ADGRV1: variants seen among roughly 807,000 people sequenced by gnomAD.
The protein encoded by ADGRV1 is G-protein coupled receptor 98.
In ADGRV1, 359 loss-of-function variants were observed where a neutral mutation model predicts 596.2. The observed-to-expected ratio is 0.60, with a 90% confidence interval of 0.55 to 0.66. The LOEUF (loss-of-function observed/expected upper bound fraction) is 0.66. Among genes scored for constraint, ADGRV1 ranks in the 30% least tolerant of loss-of-function variants. The pLI, the probability that ADGRV1 is intolerant of heterozygous loss-of-function variation, is 0.00. For missense variants in ADGRV1, 7,274 were observed against 7,575.6 expected, an observed-to-expected ratio of 0.96 and a Z score of 1.48; for synonymous variants, 2,681 against 2,679.2, an observed-to-expected ratio of 1.00 and a Z score of -0.02.
Position 90,985,418 on chromosome 5 carries a change from G to C in ADGRV1, c.18048G>C (p.Leu6016=), listed in dbSNP as rs1188585440. The change falls in exon 85 of 90, where the codon CTG becomes CTC. Residue 6016 remains leucine (L), a synonymous_variant. Transcript: ENST00000405460. ...TERRYLLFFL[L]SWGLPAFVVI... ...GGCGATATCTGCTGTTTTTCCTTCT[G>C]AGTTGGGGACTACCAGCTTTTGTGG... 1.2e-6 allele frequency: 2 copies of C among 1,613,716 alleles called. No individual in the cohort carries two copies. The highest frequency in any genetic ancestry group is 1.6e-4 in the Middle Eastern group (1 of 6,062).
At chr5:90,851,126 T>A (rs1561847347) in intron 79 of ADGRV1, among the ~76,000 whole-genome samples, 2 of 95,388 alleles carry the variant, frequency 2.1e-5, no homozygotes, top group South Asian at 3.9e-4. Flanking sequence ...TGTGTGTGTG[T>A]GTGTGTGTGA....
At chr5:90,736,236 G>T (rs566119274) in intron 50 of ADGRV1, among the ~76,000 whole-genome samples, 11 of 151,804 alleles carry the variant, frequency 7.2e-5, no homozygotes, top group Admixed American at 6.6e-4. Context: ...TGATTATTTG[G>T]TTTTTCTTCT....
At chr5:90,664,957 T>A (rs138904946) in intron 21 of ADGRV1, among the ~76,000 whole-genome samples, 9,086 of 152,128 alleles carry the variant, frequency 0.06, 370 homozygotes, top group South Asian at 0.13. Context: ...ATCCCAGGGA[T>A]GAAGCCCACT....
At chr5:90,609,373 TTAAC>T (rs1483970749) in intron 1 of ADGRV1, among the ~76,000 whole-genome samples, 4 of 152,008 alleles carry the variant, frequency 2.6e-5, no homozygotes, top group Admixed American at 6.6e-5. Context: ...ACAAATAACA[TTAAC>T]TACAGTCTGA....
chr5:91,056,837 T>C (rs1024573495), intron 85 of ADGRV1, among the ~76,000 whole-genome samples: 2 of 152,212 alleles, frequency 1.3e-5, no homozygotes, highest in African/African-American at 4.8e-5. Context: ...TCTCCACTGC[T>C]TTATGAGATA....
At chr5:90,631,735 T>C (rs1765524568) in intron 9 of ADGRV1, among the ~76,000 whole-genome samples, 1 of 152,108 alleles carries the variant, frequency 6.6e-6, no homozygotes, top group South Asian at 2.1e-4. Flanking sequence ...CCAGGGAGTC[T>C]GGATCTGTGA....
intron 85 of ADGRV1, among the ~76,000 whole-genome samples, chr5:91,051,712 A>C (rs1786348649): frequency 2.0e-5 from 3 of 151,716 alleles, no homozygotes; most frequent in African/African-American, 7.3e-5. Context: ...ATGCCCAGCT[A>C]ATTTTTTTGT....
intron 83 of ADGRV1, among the ~76,000 whole-genome samples, chr5:90,874,321 A>T (rs1320534972): frequency 6.6e-6 from 1 of 151,536 alleles, no homozygotes; most frequent in Non-Finnish European, 1.5e-5. Context: ...GACTCACTCA[A>T]CTCTTACGTT....
At chr5:90,926,763 G>T (rs1191999990) in intron 83 of ADGRV1, among the ~76,000 whole-genome samples, 16 of 148,250 alleles carry the variant, frequency 1.1e-4, no homozygotes, top group African/African-American at 4.0e-4. Context: ...TTTCTCTTGT[G>T]GGCATTTAGT....
intron 49 of ADGRV1, 68 bp downstream of exon 49, chr5:90,729,001 T>A: frequency 1.8e-6 from 2 of 1,103,208 alleles, no homozygotes; most frequent in Non-Finnish European, 2.5e-6. Context: ...TATGGTATAT[T>A]TTATATGAAA....
At chr5:90,883,026 G>T (rs998069296) in intron 83 of ADGRV1, among the ~76,000 whole-genome samples, 1 of 151,990 alleles carries the variant, frequency 6.6e-6, no homozygotes, top group South Asian at 2.1e-4. Context: ...TTGCAGTGCA[G>T]TAAGAAAAAA....
intron 11 of ADGRV1, among the ~76,000 whole-genome samples, chr5:90,639,036 C>A (rs1316841549): frequency 1.3e-5 from 2 of 150,032 alleles, no homozygotes; most frequent in African/African-American, 4.9e-5. Flanking sequence ...AAATACCAAG[C>A]AAACAAAAAA....
chr5:90,855,264 G>C (rs1766916708), intron 81 of ADGRV1, among the ~76,000 whole-genome samples: 1 of 152,020 alleles, frequency 6.6e-6, no homozygotes, highest in Non-Finnish European at 1.5e-5. Context: ...TCACTCCAAA[G>C]TAGAAAAAAA....
At chr5:91,005,603 C>T (rs1386944499) in intron 85 of ADGRV1, among the ~76,000 whole-genome samples, 1 of 152,126 alleles carries the variant, frequency 6.6e-6, no homozygotes, top group Non-Finnish European at 1.5e-5. Context: ...CTGCACTCTC[C>T]TACTTTATTA....
chr5:91,114,378 T>A (rs1190680260), intron 87 of ADGRV1, among the ~76,000 whole-genome samples: 2 of 151,762 alleles, frequency 1.3e-5, no homozygotes, highest in African/African-American at 4.8e-5. Flanking sequence ...AATACAAAAA[T>A]TAGCTGGGTG....
chr5:90,763,471 T>C lies in ADGRV1; in HGVS notation c.12285+2T>C, dbSNP rs753143605. On this transcript the variant is annotated splice_donor_variant, in intron 59 of 89. Transcript: ENST00000405460. LOFTEE classifies it high-confidence loss of function. ...AATGGGACCCTTCATTTTGATGAGGTATAGTCAGCATTAGCACTCCTGTAA... is the reference window on the plus strand; with the variant it reads ...AATGGGACCCTTCATTTTGATGAGGCATAGTCAGCATTAGCACTCCTGTAA... The C allele has an allele frequency of 1.2e-6, 2 of 1,606,918 alleles. No homozygotes were observed. Among genetic ancestry groups the C allele is most frequent in the Non-Finnish European group, 1.7e-6 (2 of 1,174,996 alleles).
chr5:90,912,742 C>A (rs1349696524), intron 83 of ADGRV1, among the ~76,000 whole-genome samples: 1 of 152,190 alleles, frequency 6.6e-6, no homozygotes, highest in Admixed American at 6.5e-5. Flanking sequence ...CTGGAAAGGA[C>A]ATGACTTTGT....
intron 24 of ADGRV1, 70 bp downstream of exon 24, chr5:90,675,515 ATATAC>A: frequency 7.4e-7 from 1 of 1,351,464 alleles, no homozygotes. Flanking sequence ...TCTGGAAGGG[ATATAC>A]ACTGTACCTG....
chr5:90,904,357 G>A (rs1355180410), intron 83 of ADGRV1, among the ~76,000 whole-genome samples: 1 of 152,054 alleles, frequency 6.6e-6, no homozygotes, highest in Non-Finnish European at 1.5e-5. Flanking sequence ...TGTAGTGGTT[G>A]TACTAATTTA....
Sources: allele counts gnomAD v4.1 joint callset (sites outside exome capture counted in the v4.1 genomes callset), GRCh38; gene constraint gnomAD v4.1.1; transcripts MANE v1.5; gene names NCBI Gene and HGNC (gene_info 2026-07-23, HGNC 2026-07-21).